PDLIM5: variants seen among roughly 807,000 people sequenced by gnomAD.
PDLIM5 encodes PDZ and LIM domain protein 5.
Under a neutral mutation model 64.2 loss-of-function variants are expected in PDLIM5, and 34 were observed. The observed-to-expected ratio is 0.53, with a 90% CI of 0.40 to 0.71. PDLIM5 has a LOEUF of 0.71. Among genes scored for constraint, PDLIM5 ranks in the 30% least tolerant of loss-of-function variants. The probability of loss-of-function intolerance (pLI) is 0.00; values close to 1 mark genes in which losing one functional copy is unlikely to be tolerated. For synonymous variants in PDLIM5, 253 were observed against 269.1 expected (o/e 0.94, Z 0.59); for missense variants, 683 against 733.6 (o/e 0.93, Z 0.80).
intron 2 of PDLIM5, among the ~76,000 whole-genome samples, chr4:94,495,262 A>G (rs1727280623): frequency 1.3e-5 from 2 of 152,196 alleles, no homozygotes; most frequent in South Asian, 2.1e-4. Context: ...TAAAGGTTCT[A>G]CTTGTGTTTG....
At chr4:94,593,726 G>A (rs1246439491) in intron 7 of PDLIM5, among the ~76,000 whole-genome samples, 1 of 152,028 alleles carries the variant, frequency 6.6e-6, no homozygotes, top group Non-Finnish European at 1.5e-5. Flanking sequence ...GATACAGTTC[G>A]GTCCATAACA....
chr4:94,596,036 A>C (rs913555143), intron 7 of PDLIM5, among the ~76,000 whole-genome samples: 3 of 152,202 alleles, frequency 2.0e-5, no homozygotes, highest in African/African-American at 7.2e-5. Context: ...CTGCTGGTTG[A>C]GTATACTGTT....
At chr4:94,601,277 A>C (rs1007685731) in intron 7 of PDLIM5, among the ~76,000 whole-genome samples, 3 of 152,104 alleles carry the variant, frequency 2.0e-5, no homozygotes, top group African/African-American at 7.2e-5. Flanking sequence ...ATGGTAGGAG[A>C]GAGGGAGCTC....
intron 2 of PDLIM5, among the ~76,000 whole-genome samples, chr4:94,487,238 C>T (rs1288127747): frequency 2.0e-5 from 3 of 152,146 alleles, no homozygotes; most frequent in Non-Finnish European, 4.4e-5. Context: ...TACATTATCT[C>T]ATATCACAAC....
chr4:94,470,129 G>T (rs1477931019), intron 2 of PDLIM5, among the ~76,000 whole-genome samples: 2 of 151,668 alleles, frequency 1.3e-5, no homozygotes, highest in Non-Finnish European at 2.9e-5. Context: ...ACCACACCCG[G>T]CTAATTTTTT....
chr4:94,575,648 C>T lies in PDLIM5; in HGVS notation c.324C>T (p.Pro108=). 1.2e-6 allele frequency: 2 copies of T among 1,601,736 alleles called. No individual in the cohort carries two copies. The highest frequency in any genetic ancestry group is 1.7e-6 in the Non-Finnish European group (2 of 1,172,018). ...CTAAAGAAGTAGTTAAACCTGTGCCCATTACATCTCCTGCTGTGTCCAAAG... is the reference window on the plus strand; with the variant it reads ...CTAAAGAAGTAGTTAAACCTGTGCCTATTACATCTCCTGCTGTGTCCAAAG... ...GEPKEVVKPV[P]ITSPAVSKVT... Residue 108 remains proline, a synonymous_variant, in exon 5 of 13, where the codon CCC becomes CCT. Coordinates refer to ENST00000317968, the MANE Select transcript of PDLIM5 (RefSeq NM_006457.5).
At chr4:94,503,908 TTGAC>T (rs1728153403) in intron 2 of PDLIM5, among the ~76,000 whole-genome samples, 3 of 152,216 alleles carry the variant, frequency 2.0e-5, no homozygotes, top group South Asian at 2.1e-4. Context: ...GATAGGGAAA[TTGAC>T]TGTGTTTAGC....
chr4:94,521,761 C>G (rs950760343), intron 2 of PDLIM5, among the ~76,000 whole-genome samples: 4 of 151,918 alleles, frequency 2.6e-5, no homozygotes, highest in Admixed American at 2.0e-4. Flanking sequence ...ACACTTAGAA[C>G]AAATGCCCAT....
At chr4:94,654,910 T>C (rs2110490270) in intron 10 of PDLIM5, among the ~76,000 whole-genome samples, 1 of 152,238 alleles carries the variant, frequency 6.6e-6, no homozygotes, top group South Asian at 2.1e-4. Flanking sequence ...TAATTTACTG[T>C]GGGTGTGCTT....
At chr4:94,663,649 G>C (rs1170541178) in intron 12 of PDLIM5, among the ~76,000 whole-genome samples, 1 of 152,110 alleles carries the variant, frequency 6.6e-6, no homozygotes, top group East Asian at 1.9e-4. Context: ...TTATAATTTG[G>C]GGAGATAAAA....
intron 2 of PDLIM5, among the ~76,000 whole-genome samples, chr4:94,496,394 A>T (rs922498882): frequency 6.6e-6 from 1 of 152,222 alleles, no homozygotes; most frequent in Non-Finnish European, 1.5e-5. Context: ...CTAATGCATT[A>T]GGTTGAATCA....
At chr4:94,526,596 A>C (rs1578310460) in intron 3 of PDLIM5, among the ~76,000 whole-genome samples, 1 of 152,326 alleles carries the variant, frequency 6.6e-6, no homozygotes, top group East Asian at 1.9e-4. Flanking sequence ...CTGAAGAAAT[A>C]CTTTTGCCTT....
At chr4:94,531,641 G>A (rs1240152568) in intron 3 of PDLIM5, among the ~76,000 whole-genome samples, 2 of 152,134 alleles carry the variant, frequency 1.3e-5, no homozygotes, top group African/African-American at 4.8e-5. Flanking sequence ...GACAAGCCTG[G>A]CCTAGAGAGT....
intron 8 of PDLIM5, among the ~76,000 whole-genome samples, chr4:94,632,900 C>T (rs891229805): frequency 6.6e-6 from 1 of 152,050 alleles, no homozygotes; most frequent in Non-Finnish European, 1.5e-5. Context: ...GATTTTGACC[C>T]AGTAATATCT....
chr4:94,626,294 T>G (rs1739690448), intron 8 of PDLIM5, among the ~76,000 whole-genome samples: 1 of 134,012 alleles, frequency 7.5e-6, no homozygotes, highest in Non-Finnish European at 1.7e-5. Context: ...TTGTAATACT[T>G]TCAGTTGTAA....
At chr4:94,642,869 T>A (rs1462794744) in intron 9 of PDLIM5, among the ~76,000 whole-genome samples, 3 of 152,190 alleles carry the variant, frequency 2.0e-5, no homozygotes, top group Non-Finnish European at 4.4e-5. Context: ...CAATGCAGAC[T>A]ATTATACCCT....
At chr4:94,612,195 G>A (rs954053881) in intron 7 of PDLIM5, among the ~76,000 whole-genome samples, 2 of 152,158 alleles carry the variant, frequency 1.3e-5, no homozygotes, top group African/African-American at 4.8e-5. Flanking sequence ...TCCAGCCTGG[G>A]CGACAGGGCA....
chr4:94,522,246 C>T (rs1345614799), intron 2 of PDLIM5, among the ~76,000 whole-genome samples: 1 of 152,076 alleles, frequency 6.6e-6, no homozygotes, highest in Non-Finnish European at 1.5e-5. Context: ...TCCCGAAGTC[C>T]CAGAGAAAGT....
intron 7 of PDLIM5, among the ~76,000 whole-genome samples, chr4:94,614,391 AG>A (rs1738611382): frequency 1.3e-5 from 2 of 152,310 alleles, no homozygotes; most frequent in South Asian, 2.1e-4. Context: ...CTGGGATTAC[AG>A]GCATGAACTA....
Sources: allele counts gnomAD v4.1 joint callset (sites outside exome capture counted in the v4.1 genomes callset), GRCh38; gene constraint gnomAD v4.1.1; transcripts MANE v1.5; gene names NCBI Gene and HGNC (gene_info 2026-07-23, HGNC 2026-07-21).